COPG2: variants seen among roughly 807,000 people sequenced by gnomAD.
COPG2 encodes coat protein complex I subunit gamma 2, also known as coatomer subunit gamma-2.
In COPG2, 37 loss-of-function variants were observed where a neutral mutation model predicts 46.3. The ratio of observed to expected loss-of-function variants is 0.80; its 90% CI spans 0.61 to 1.05. The LOEUF is 1.05. COPG2 is among the 50% of genes least tolerant of loss of function. COPG2 has a pLI of 0.00. For missense variants in COPG2, 427 were observed against 387.8 expected, an observed-to-expected ratio of 1.10 and a Z score of -0.85; for synonymous variants, 159 against 129.7, an observed-to-expected ratio of 1.23 and a Z score of -1.53.
chr7:130,632,783 T>C (rs1195944262), intron 5 of COPG2, among the ~76,000 whole-genome samples: 2 of 152,166 alleles, frequency 1.3e-5, no homozygotes, highest in Non-Finnish European at 2.9e-5. Flanking sequence ...CTGGGATACA[T>C]GTGCGGAACA....
chr7:130,624,860 G>A (rs1554454063), intron 5 of COPG2, among the ~76,000 whole-genome samples: 1 of 152,164 alleles, frequency 6.6e-6, no homozygotes, highest in Non-Finnish European at 1.5e-5. Flanking sequence ...TGTGAACTGT[G>A]CTGTTATAAA....
chr7:130,528,962 G>GAGTAATAGACAGGATGGCAATGAAGGAC (rs1799799472), intron 20 of COPG2, among the ~76,000 whole-genome samples: 1 of 152,124 alleles, frequency 6.6e-6, no homozygotes, highest in African/African-American at 2.4e-5. Flanking sequence ...GGACAGGAGG[G>GAGTAATAGACAGGATGGCAATGAAGGAC]AGGATGGCAA....
rs193056435 is a variant in COPG2 at position 130,511,658 on chromosome 7, A to G, written c.2150-2999T>C. The G allele has an allele frequency of 2.1e-4, 107 of 515,374 alleles. No individual in the cohort carries two copies. The East Asian group carries it at 4.8e-3, about 23-fold the overall frequency. 31.9% of individuals were successfully genotyped at this position (515,374 alleles called of 1,614,324 possible). On this transcript the variant is annotated intron_variant, in intron 20 of 23. Coordinates refer to ENST00000425248, the MANE Select transcript of COPG2 (RefSeq NM_012133.6). Reference sequence around the variant, plus strand: ...GCTGGGCCAAAAGTCATAAGAGAGTATGAAATAAGAGACTGGAAGCAAAGG... The same window carrying G: ...GCTGGGCCAAAAGTCATAAGAGAGTGTGAAATAAGAGACTGGAAGCAAAGG...
chr7:130,626,252 C>A lies in COPG2; in HGVS notation c.324-9187G>T, dbSNP rs79111798. ...CTTTTTTCCCCCAAATTCAGCATGA[C>A]CATAAATCACAAATGACATCTCCAA... On this transcript the variant is annotated intron_variant, in intron 5 of 23. Coordinates refer to ENST00000425248, the MANE Select transcript of COPG2 (RefSeq NM_012133.6). 4.9e-3 allele frequency among the ~76,000 whole-genome samples: 749 copies of A among 152,136 alleles called. 8 individuals are homozygous for A. The highest frequency in any genetic ancestry group is 0.017 in the African/African-American group (723 of 41,504).
intron 17 of COPG2, among the ~76,000 whole-genome samples, 173 bp from the exon 18 acceptor site, chr7:130,549,549 G>A (rs1793501846): frequency 6.6e-6 from 1 of 152,158 alleles, no homozygotes; most frequent in Non-Finnish European, 1.5e-5. Flanking sequence ...AAATTAAAAT[G>A]TATTTAGTGA....
Position 130,514,342 on chromosome 7 carries a change from G to A in COPG2, c.2150-5683C>T, listed in dbSNP as rs36154921. ...CATGTTGGAAACCCATCTCAAGGGT[G>A]AAACTTCTTTGTTTCCAGGTACAGA... On this transcript the variant is annotated intron_variant, in intron 20 of 23. Transcript: ENST00000425248. Among the ~76,000 whole-genome samples, 745 of 152,318 alleles carry A rather than the reference G, an allele frequency of 4.9e-3. 3 individuals are homozygous for A. The highest frequency in any genetic ancestry group is 7.8e-3 in the Non-Finnish European group (534 of 68,026).
chr7:130,632,828 G>A (rs1795256530), intron 5 of COPG2, among the ~76,000 whole-genome samples: 2 of 151,948 alleles, frequency 1.3e-5, no homozygotes, highest in Admixed American at 1.3e-4. Flanking sequence ...ATGTGCCACG[G>A]TGGTTTGCTG....
intron 5 of COPG2, among the ~76,000 whole-genome samples, chr7:130,641,175 C>CAAAAAA (rs34617870): frequency 3.4e-5 from 3 of 87,928 alleles, no homozygotes; most frequent in South Asian, 3.9e-4. Flanking sequence ...CCCTACCTCT[C>CAAAAAA]AAAAAAAAAA....
At chr7:130,619,128 T>C (rs369860054) in intron 5 of COPG2, among the ~76,000 whole-genome samples, 2 of 152,176 alleles carry the variant, frequency 1.3e-5, no homozygotes, top group African/African-American at 2.4e-5. Context: ...TTGTTTCCTA[T>C]AAGGCAGTGT....
chr7:130,665,651 T>C (rs1796062212), intron 3 of COPG2, among the ~76,000 whole-genome samples: 1 of 152,138 alleles, frequency 6.6e-6, no homozygotes, highest in South Asian at 2.1e-4. Context: ...TATGGGAGGA[T>C]ATGTGTAGGT....
intron 20 of COPG2, among the ~76,000 whole-genome samples, chr7:130,529,553 G>T (rs949517151): frequency 6.6e-6 from 1 of 152,138 alleles, no homozygotes; most frequent in African/African-American, 2.4e-5. Context: ...TGAGGTGTCC[G>T]CAGATCTCAG....
At chr7:130,593,949 C>T (rs1436906329) in intron 9 of COPG2, among the ~76,000 whole-genome samples, 3 of 152,072 alleles carry the variant, frequency 2.0e-5, no homozygotes, top group African/African-American at 7.2e-5. Context: ...CTACCTTACA[C>T]TTACGGAGCT....
chr7:130,564,021 T>C (rs897448278), intron 10 of COPG2, among the ~76,000 whole-genome samples: 2,550 of 151,924 alleles, frequency 0.017, 68 homozygotes, highest in African/African-American at 0.059. Context: ...TAATAAACTA[T>C]GTACATATAA....
At chr7:130,555,642 T>C (rs1221669129) in intron 12 of COPG2, among the ~76,000 whole-genome samples, 8 of 151,122 alleles carry the variant, frequency 5.3e-5, no homozygotes, top group Admixed American at 4.6e-4. Flanking sequence ...GCCTGACCAA[T>C]ATGGTGAAAT....
intron 9 of COPG2, among the ~76,000 whole-genome samples, chr7:130,570,998 C>A (rs918295748): frequency 6.6e-6 from 1 of 152,020 alleles, no homozygotes; most frequent in African/African-American, 2.4e-5. Context: ...GCTAGCCATG[C>A]GTAGGAGAAT....
chr7:130,639,141 G>A (rs925801162), intron 5 of COPG2, among the ~76,000 whole-genome samples: 4 of 152,198 alleles, frequency 2.6e-5, no homozygotes, highest in African/African-American at 7.2e-5. Context: ...CGTTGATCTC[G>A]CTGGGAGCTG....
In COPG2 at chr7:130,612,253, A is replaced by C; in HGVS notation, c.493-15T>G. 6.7e-7 allele frequency: 1 copy of C among 1,498,382 alleles called. No individual in the cohort carries two copies. Among genetic ancestry groups the C allele is most frequent in the African/African-American group, 1.4e-5 (1 of 70,148 alleles). 92.8% of individuals were successfully genotyped at this position (1,498,382 alleles called of 1,614,324 possible). On this transcript the variant is annotated splice_polypyrimidine_tract_variant and intron_variant, in intron 7 of 23. Coordinates refer to ENST00000425248, the MANE Select transcript of COPG2 (RefSeq NM_012133.6). ...TTCATCATGTGCTAAATACAGAAAA[A>C]AAAAAATGAGAATAAATAATGCTTG...
At chr7:130,591,474 G>T in intron 9 of COPG2, among the ~76,000 whole-genome samples, 1 of 82,024 alleles carries the variant, frequency 1.2e-5, no homozygotes, top group Non-Finnish European at 2.5e-5. Flanking sequence ...GAGGGAGGTG[G>T]GGGGGTCAGC....
chr7:130,577,855 G>A (rs1182444309), intron 9 of COPG2, among the ~76,000 whole-genome samples: 3 of 151,896 alleles, frequency 2.0e-5, no homozygotes, highest in South Asian at 4.2e-4. Context: ...CTACGCCCAC[G>A]GAATCTCGCT....
Sources: gnomAD v4.1 joint callset for allele counts (sites outside exome capture counted in the v4.1 genomes callset) on GRCh38, gnomAD v4.1.1 for gene constraint, MANE v1.5 for transcripts, NCBI Gene and HGNC (gene_info 2026-07-23, HGNC 2026-07-21) for gene names.